Variants in RIF1 observed in about 807,000 individuals in gnomAD.
The protein encoded by RIF1 is replication timing regulatory factor 1.
In RIF1, 45 loss-of-function variants were observed where a neutral mutation model predicts 247.1. That is an observed-to-expected ratio of 0.18 (90% CI 0.14 to 0.23). RIF1 has a LOEUF of 0.23. Among genes scored for constraint, RIF1 ranks in the 10% least tolerant of loss-of-function variants. The probability of loss-of-function intolerance (pLI) is 1.00; values close to 1 mark genes in which losing one functional copy is unlikely to be tolerated. For missense variants in RIF1, 2,967 were observed against 2,862.5 expected, an observed-to-expected ratio of 1.04 and a Z score of -0.83; for synonymous variants, 1,087 against 978.8, an observed-to-expected ratio of 1.11 and a Z score of -2.06.
the RIF1 span, among the ~76,000 whole-genome samples, chr2:151,520,679 C>T: frequency 1.3e-5 from 2 of 152,058 alleles, no homozygotes; most frequent in South Asian, 2.1e-4. Context: ...AGCCTGGGCA[C>T]GTGCTGAAAC....
At chr2:151,513,303 C>G in the RIF1 span, among the ~76,000 whole-genome samples, 1 of 152,160 alleles carries the variant, frequency 6.6e-6, no homozygotes, top group Non-Finnish European at 1.5e-5. Context: ...GCCAAGATGT[C>G]GAGTTTGCCC....
chr2:151,528,878 GAA>G, the RIF1 span, among the ~76,000 whole-genome samples: 1 of 152,154 alleles, frequency 6.6e-6, no homozygotes, highest in Non-Finnish European at 1.5e-5. Context: ...AGAGCACAGG[GAA>G]AGAGAATGAA....
At chr2:151,524,657 T>TTA in the RIF1 span, 1 of 476,158 alleles carries the variant, frequency 2.1e-6, no homozygotes, top group East Asian at 6.1e-5. Context: ...AGAGAGGCTT[T>TTA]TTTTTTTTTT....
intron 34 of RIF1, among the ~76,000 whole-genome samples, chr2:151,472,485 C>G (rs1333028663): frequency 6.6e-6 from 1 of 152,162 alleles, no homozygotes; most frequent in Admixed American, 6.5e-5. Flanking sequence ...TTTGCCCATT[C>G]AGTATGATAT....
intron 8 of RIF1, chr2:151,423,706 A>G (rs908204835): frequency 1.4e-4 from 22 of 152,368 alleles, no homozygotes; most frequent in African/African-American, 4.3e-4. Context: ...GCTACTTTAT[A>G]TAATAGAAAA....
In RIF1 at chr2:151,436,885, A is replaced by G. The variant is rs1279024559; in HGVS notation, c.1254A>G (p.Leu418=). The G allele has an allele frequency of 6.2e-7, 1 of 1,613,188 alleles. No individual in the cohort carries two copies. The highest frequency in any genetic ancestry group is 1.3e-5 in the African/African-American group (1 of 74,786). Reference sequence around the variant, plus strand: ...CCCGAATGAACCTGAGTTCGAATTTAGGTGGAATGGCCACAATCCCATCCA... The same window carrying G: ...CCCGAATGAACCTGAGTTCGAATTTGGGTGGAATGGCCACAATCCCATCCA... ...GTPRMNLSSN[L]GGMATIPSIQ... Residue 418 remains leucine, a synonymous_variant, in exon 12 of 36, where the codon TTA becomes TTG. Transcript: ENST00000444746.
chr2:151,519,684 T>C, the RIF1 span: 1 of 1,612,292 alleles, frequency 6.2e-7, no homozygotes, highest in Non-Finnish European at 8.5e-7. Flanking sequence ...TTAGCATCTT[T>C]CATGACTTTG....
chr2:151,460,238 G>C (rs939670634), intron 26 of RIF1, 119 bp downstream of exon 26: 1 of 768,976 alleles, frequency 1.3e-6, no homozygotes, highest in East Asian at 3.1e-5. Context: ...GATTGCAGGG[G>C]AATTGAGGGC....
Position 151,464,675 on chromosome 2 carries a change from C to G in RIF1, c.5155C>G (p.Gln1719Glu). Reference protein sequence around the residue: ...SEKTFQTLECQHKRSRRVRRS... With the variant: ...SEKTFQTLECEHKRSRRVRRS... ...AAAAACTTTTCAAACACTTGAATGCCAACACAAGAGAAGTAGGAGGGTGAG... is the reference window on the plus strand; with the variant it reads ...AAAAACTTTTCAAACACTTGAATGCGAACACAAGAGAAGTAGGAGGGTGAG... Residue 1719 changes from glutamine (Q) to glutamate (E), a missense_variant, in exon 30 of 36, where the codon CAA becomes GAA. Gln to Glu is a conservative substitution (Grantham distance 29, BLOSUM62 2). Transcript: ENST00000444746. The G allele has an allele frequency of 6.2e-7, 1 of 1,612,596 alleles. No homozygotes were observed. Among genetic ancestry groups the G allele is most frequent in the Non-Finnish European group, 8.5e-7 (1 of 1,179,148 alleles).
chr2:151,493,578 C>A, intron 9 of RIF1: 2 of 735,932 alleles, frequency 2.7e-6, no homozygotes, highest in Non-Finnish European at 4.3e-6. Context: ...TAAAATGTTA[C>A]GGTAGGAAGC....
chr2:151,502,372 ATAAACATCTAAACAT>A (rs2065297336), intron 11 of RIF1, among the ~76,000 whole-genome samples: 1 of 140,178 alleles, frequency 7.1e-6, no homozygotes, highest in Non-Finnish European at 1.6e-5. Flanking sequence ...GGAAAAATAA[ATAAACATCTAAACAT>A]AAAAAAAAAA....
At chr2:151,521,825 A>G in the RIF1 span, among the ~76,000 whole-genome samples, 1 of 152,324 alleles carries the variant, frequency 6.6e-6, no homozygotes, top group East Asian at 1.9e-4. Flanking sequence ...GCTTTTTACA[A>G]CTACTAATAT....
the RIF1 span, chr2:151,513,774 A>G: frequency 1.0e-6 from 1 of 953,890 alleles, no homozygotes; most frequent in Non-Finnish European, 1.6e-6. Flanking sequence ...ATGTAAATCC[A>G]CATAACACGC....
At chr2:151,514,085 TTAGATAA>T in the RIF1 span, among the ~76,000 whole-genome samples, 2 of 152,174 alleles carry the variant, frequency 1.3e-5, no homozygotes, top group African/African-American at 4.8e-5. Context: ...TCAAATAATA[TTAGATAA>T]TAGATTATGA....
the RIF1 span, among the ~76,000 whole-genome samples, chr2:151,520,745 T>G: frequency 2.0e-5 from 3 of 152,070 alleles, no homozygotes; most frequent in Non-Finnish European, 4.4e-5. Flanking sequence ...ACCCCTGTAG[T>G]CTCAGCTACT....
At chr2:151,513,832 T>C in the RIF1 span, 8 of 660,264 alleles carry the variant, frequency 1.2e-5, no homozygotes, top group South Asian at 1.1e-4. Flanking sequence ...TCACCTTCGC[T>C]CTTCCGTGTG....
At chr2:151,485,972 G>C (rs955699252), downstream of RIF1, 1 of 1,596,260 alleles carries the variant, frequency 6.3e-7, no homozygotes, top group Non-Finnish European at 8.6e-7. Flanking sequence ...ATTATATGTT[G>C]GATTTGCAAC....
rs115945647 is a variant in RIF1 at position 151,469,168 on chromosome 2, A to G, written c.6941+412A>G. ...TCATCAGCTGTTTTGTTTTGTTTCT[A>G]ATTACAAGTTTGTTTCCTTGATGTT... On this transcript the variant is annotated intron_variant, in intron 33 of 35. Transcript: ENST00000444746. Among the ~76,000 whole-genome samples, 686 of 152,240 alleles carry G rather than the reference A, an allele frequency of 4.5e-3. 1 individual carries two copies. The highest frequency in any genetic ancestry group is 0.016 in the African/African-American group (658 of 41,556).
chr2:151,434,377 G>A (rs1165335948), intron 10 of RIF1, among the ~76,000 whole-genome samples: 2 of 150,204 alleles, frequency 1.3e-5, no homozygotes, highest in Non-Finnish European at 3.0e-5. Flanking sequence ...TAGATATAAA[G>A]TTTAATCTTA....
Sources: allele counts gnomAD v4.1 joint callset (sites outside exome capture counted in the v4.1 genomes callset), GRCh38; gene constraint gnomAD v4.1.1; transcripts MANE v1.5; gene names NCBI Gene and HGNC (gene_info 2026-07-23, HGNC 2026-07-21).